Variants in PSMG2 observed in about 807,000 individuals in gnomAD.
PSMG2 encodes the protein CD40 ligand-activated specific transcript 3.
PSMG2 carries 21 observed loss-of-function variants against 31.5 expected under a neutral mutation model. The observed-to-expected ratio is 0.67, with a 90% CI of 0.47 to 0.96. The LOEUF (loss-of-function observed/expected upper bound fraction) is 0.96. Ranked by LOEUF, PSMG2 falls within the 40% of genes least tolerant of loss-of-function variation. The pLI is 0.00. For synonymous variants in PSMG2, 120 were observed against 110.4 expected, an observed-to-expected ratio of 1.09 and a Z score of -0.54; for missense variants, 318 against 321.2, an observed-to-expected ratio of 0.99 and a Z score of 0.08.
chr18:12,719,410 C>T (rs983772867), intron 4 of PSMG2, among the ~76,000 whole-genome samples: 30 of 152,280 alleles, frequency 2.0e-4, no homozygotes, highest in Middle Eastern at 3.4e-3. Flanking sequence ...ATTTTTGAGA[C>T]GGAGTCTTGC....
intron 1 of PSMG2, chr18:12,685,524 T>C (rs1265819016): frequency 3.9e-5 from 6 of 152,080 alleles, no homozygotes. Flanking sequence ...TTAAATGTTA[T>C]GAAAAACAGA....
At chr18:12,701,200 T>A, upstream of PSMG2, 1 of 911,300 alleles carries the variant, frequency 1.1e-6, no homozygotes, top group Non-Finnish European at 1.7e-6. Context: ...CAGCTAACAG[T>A]AAATGCACAA....
intron 3 of PSMG2, 115 bp downstream of exon 3, chr18:12,712,875 C>CCTG: frequency 1.5e-6 from 1 of 674,898 alleles, no homozygotes; most frequent in Non-Finnish European, 2.5e-6. Context: ...CAGTTAAGAT[C>CCTG]TGATTCTACA....
chr18:12,665,076 G>C (rs1290268320), intron 1 of PSMG2: 1 of 151,968 alleles, frequency 6.6e-6, no homozygotes, highest in Admixed American at 6.6e-5. Context: ...TAGAGGTCTA[G>C]AGCTGCTCTT....
At position 12,724,634 on chromosome 18, in the gene PSMG2, A is replaced by G; in HGVS notation, c.702+15A>G. The G allele has an allele frequency of 2.5e-6, 4 of 1,577,000 alleles. No individual in the cohort carries two copies. Among genetic ancestry groups the G allele is most frequent in the Non-Finnish European group, 3.4e-6 (4 of 1,165,404 alleles). On this transcript the variant is annotated intron_variant, in intron 6 of 6. Transcript: ENST00000317615. ...TCAAACCACTTGTAAGTTCTATTAT[A>G]GCTTAAGCCTCTTCTTTGTCTGGTT...
At chr18:12,671,332 G>A (rs940163571) in intron 1 of PSMG2, among the ~76,000 whole-genome samples, 9 of 152,024 alleles carry the variant, frequency 5.9e-5, no homozygotes, top group Non-Finnish European at 1.3e-4. Flanking sequence ...GTGATTAAAA[G>A]AATTAATAAC....
chr18:12,724,154 C>G, intron 5 of PSMG2: 1 of 200,646 alleles, frequency 5.0e-6, no homozygotes, highest in Non-Finnish European at 9.9e-6. Context: ...TATTTTCTTT[C>G]AGTCTCTGCT....
In PSMG2 at chr18:12,665,695, AT is replaced by A. The variant is rs1568003547; in HGVS notation, c.-37+6931del. ...AATGTTTTAAACAAACTTCTTAAAA[AT>A]TTTTTTTTAATTTTTTTTGAGACAG... On this transcript the variant is annotated intron_variant, in intron 1 of 6. Transcript: ENST00000585331. 2.6e-5 allele frequency among the ~76,000 whole-genome samples: 4 copies of A among 151,936 alleles called. No individual in the cohort carries two copies. The South Asian group carries it at 8.3e-4, about 32-fold the overall frequency.
chr18:12,690,985 CAA>C (rs1293772341), intron 1 of PSMG2, among the ~76,000 whole-genome samples: 1 of 148,182 alleles, frequency 6.7e-6, no homozygotes, highest in African/African-American at 2.4e-5. Flanking sequence ...ATATAACCTG[CAA>C]AGTGTCCAAA....
intron 3 of PSMG2, among the ~76,000 whole-genome samples, chr18:12,714,161 T>G (rs1475224854): frequency 6.6e-6 from 1 of 152,252 alleles, no homozygotes; most frequent in African/African-American, 2.4e-5. Context: ...CAGTAGCCAC[T>G]AGCTACATGT....
At chr18:12,702,611 G>A (rs4797701), upstream of PSMG2, 230,426 of 1,543,134 alleles carry the variant, frequency 0.15, 18,272 homozygotes, top group Admixed American at 0.28. Context: ...GCGCGGCCCC[G>A]GCCGGGCCAG....
At chr18:12,668,711 A>G (rs1292925508) in intron 1 of PSMG2, among the ~76,000 whole-genome samples, 1 of 142,070 alleles carries the variant, frequency 7.0e-6, no homozygotes, top group African/African-American at 2.6e-5. Context: ...TGTGTTGTCT[A>G]CCTAGCAAGA....
intron 3 of PSMG2, among the ~76,000 whole-genome samples, chr18:12,717,358 C>T (rs757370142): frequency 1.2e-4 from 19 of 152,276 alleles, no homozygotes; most frequent in Non-Finnish European, 2.6e-4. Context: ...ATTTTATGAG[C>T]AGTCTTTGAA....
At position 12,680,951 on chromosome 18, in the gene PSMG2, C is replaced by CA. The variant is rs918920016; in HGVS notation, c.-37+22179dup. The CA allele has an allele frequency of 2.8e-5, 25 of 879,404 alleles. No homozygotes were observed. In the African/African-American group the frequency reaches 4.3e-4, roughly 15 times the overall value. 54.5% of individuals were successfully genotyped at this position (879,404 alleles called of 1,614,324 possible). On this transcript the variant is annotated intron_variant, in intron 1 of 6. Transcript: ENST00000585331. ...CAGTGGCTCACGCCTGTAATCCCAA[C>CA]ACTTTGGGAGGCCAAGGCGGGTGGA... is the stretch of plus-strand genomic sequence containing the variant.
intron 1 of PSMG2, chr18:12,680,780 A>G (rs764500466): frequency 6.2e-7 from 1 of 1,613,708 alleles, no homozygotes; most frequent in East Asian, 2.2e-5. Flanking sequence ...TCTAATCCAT[A>G]TCCAAGAAGA....
upstream of PSMG2, among the ~76,000 whole-genome samples, chr18:12,701,963 C>T (rs556439754): frequency 2.8e-4 from 42 of 152,164 alleles, no homozygotes; most frequent in African/African-American, 9.2e-4. Flanking sequence ...ACCGTCTCTA[C>T]TAAAAATACA....
chr18:12,720,345 A>G (rs1399674175), intron 4 of PSMG2, among the ~76,000 whole-genome samples, 165 bp from the exon 5 acceptor site: 1 of 151,422 alleles, frequency 6.6e-6, no homozygotes, highest in African/African-American at 2.5e-5. Flanking sequence ...ATTGTCTCCT[A>G]AGTAAGTAAG....
chr18:12,680,713 G>A, intron 1 of PSMG2: 1 of 1,613,354 alleles, frequency 6.2e-7, no homozygotes, highest in Non-Finnish European at 8.5e-7. Context: ...AGTTCCACAA[G>A]TCATAACCCA....
At position 12,665,929 on chromosome 18, in the gene PSMG2, C is replaced by T. The variant is rs565803809; in HGVS notation, c.-37+7156C>T. Among the ~76,000 whole-genome samples the T allele has an allele frequency of 2.6e-4, 40 of 152,160 alleles. 1 individual carries two copies. In the East Asian group the frequency reaches 4.3e-3, roughly 16 times the overall value. On this transcript the variant is annotated intron_variant, in intron 1 of 6. Coordinates refer to the PSMG2 transcript ENST00000585331. Reference sequence around the variant, plus strand: ...CCAGGCTGGTCTTGAACGCCTGACCCCGTGATCTGCCCACCCTGGCCTCCC... The same window carrying T: ...CCAGGCTGGTCTTGAACGCCTGACCTCGTGATCTGCCCACCCTGGCCTCCC...
Sources: gnomAD v4.1 joint callset for allele counts (sites outside exome capture counted in the v4.1 genomes callset) on GRCh38, gnomAD v4.1.1 for gene constraint, MANE v1.5 for transcripts, NCBI Gene and HGNC (gene_info 2026-07-23, HGNC 2026-07-21) for gene names.